Variants in CEP78 observed in about 807,000 individuals in gnomAD.
CEP78 encodes centrosomal protein 78, also known as centrosomal protein of 78 kDa.
In CEP78, 76 loss-of-function variants were observed where a neutral mutation model predicts 81.2. That is an observed-to-expected ratio of 0.94 (90% CI 0.78 to 1.13). The LOEUF is 1.13. CEP78 is among the 50% of genes most tolerant of loss of function. The probability of loss-of-function intolerance (pLI) is 0.00; values close to 1 mark genes in which losing one functional copy is unlikely to be tolerated. For synonymous variants in CEP78, 293 were observed against 301.4 expected, an observed-to-expected ratio of 0.97 and a Z score of 0.29; for missense variants, 918 against 846.8, an observed-to-expected ratio of 1.08 and a Z score of -1.04.
intron 16 of CEP78, among the ~76,000 whole-genome samples, chr9:78,269,935 AAAAG>A (rs1353891002): frequency 1.3e-5 from 2 of 152,248 alleles, no homozygotes; most frequent in African/African-American, 4.8e-5. Flanking sequence ...TCTTAAGACT[AAAAG>A]AAACAGATCT....
rs371689725 is a variant in CEP78 at position 78,270,571 on chromosome 9, C to A, written c.2108-270C>A. Among the ~76,000 whole-genome samples, 28 of 152,274 alleles carry A rather than the reference C, an allele frequency of 1.8e-4. No homozygotes were observed. The East Asian group carries it at 5.4e-3, about 29-fold the overall frequency. On this transcript the variant is annotated intron_variant, in intron 16 of 16. Transcript: ENST00000643273. ...AAAACATTCAGATGTGATACTGTAG[C>A]AAAGAGCTTGTCATCCTGTCTTAAA...
At chr9:78,257,632 A>G (rs1448772507) in intron 11 of CEP78, among the ~76,000 whole-genome samples, 1 of 152,080 alleles carries the variant, frequency 6.6e-6, no homozygotes, top group African/African-American at 2.4e-5. Flanking sequence ...AGAGGGAAGG[A>G]GGGAATCAAA....
At position 78,246,699 on chromosome 9, in the gene CEP78, A is replaced by T. The variant is rs372759241; in HGVS notation, c.809A>T (p.Asn270Ile). ...ALDLQQCGLT[N>I]EGAKALLEAL... ...GACCTGCAACAGTGCGGCCTCACCA[A>T]TGAAGGAGCAAAGGCTTTGCTAGAG... The change falls in exon 6 of 17, where the codon AAT becomes ATT. Residue 270 changes from asparagine (N) to isoleucine (I), a missense_variant. Physicochemically the swap from Asn to Ile is moderately radical, Grantham distance 149 (BLOSUM62 -3). Transcript: ENST00000643273. 5.0e-6 allele frequency: 8 copies of T among 1,610,614 alleles called. No homozygotes were observed. The highest frequency in any genetic ancestry group is 4.2e-6 in the Non-Finnish European group (5 of 1,178,552).
intron 8 of CEP78, chr9:78,250,260 A>G (rs1187273463): frequency 8.3e-5 from 33 of 398,090 alleles, no homozygotes; most frequent in Non-Finnish European, 1.4e-4. Flanking sequence ...TTGGAGACAC[A>G]GAGGTAAGCC....
chr9:78,269,258 C>T (rs1197845706), intron 16 of CEP78, among the ~76,000 whole-genome samples: 2 of 152,042 alleles, frequency 1.3e-5, no homozygotes, highest in African/African-American at 2.4e-5. Context: ...AGTGGGTGGA[C>T]TTGTGTTTCT....
Position 78,271,663 on chromosome 9 carries a change from A to G in CEP78, c.*812A>G, listed in dbSNP as rs1827690636. ...AAATCTTTCTCAGAGTAACTAAGCA[A>G]AATGAACAATGAACCCATTAACGTG... is the stretch of plus-strand genomic sequence containing the variant. On this transcript the variant is annotated 3_prime_UTR_variant, in exon 17 of 17. Transcript: ENST00000643273. 6.6e-6 allele frequency: 1 copy of G among 152,012 alleles called. No individual in the cohort carries two copies. Among genetic ancestry groups the G allele is most frequent in the Admixed American group, 6.5e-5 (1 of 15,270 alleles). 9.4% of individuals were successfully genotyped at this position (152,012 alleles called of 1,614,324 possible).
chr9:78,236,218 T>A lies in CEP78; in HGVS notation c.-133T>A. 1 of 768,628 alleles carries A rather than the reference T, an allele frequency of 1.3e-6. No homozygotes were observed. The highest frequency in any genetic ancestry group is 2.9e-5 in the East Asian group (1 of 34,242). The allele number at this position is 768,628 out of a possible 1,614,324, so 47.6% of individuals were successfully genotyped here. ...TTGCGTCTTCCGACCGAATCACCGC[T>A]CCTGAGCCCGGTGCGGGGCTGCCGC... On this transcript the variant is annotated 5_prime_UTR_variant, in exon 1 of 17. Coordinates refer to ENST00000643273, the MANE Select transcript of CEP78 (RefSeq NM_001330691.3).
chr9:78,269,691 A>G (rs549647233), intron 16 of CEP78, among the ~76,000 whole-genome samples: 1 of 152,328 alleles, frequency 6.6e-6, no homozygotes, highest in South Asian at 2.1e-4. Flanking sequence ...TGAAAATGCC[A>G]GATTGCAGTA....
rs933920757 is a variant in CEP78 at position 78,236,288 on chromosome 9, C to A, written c.-63C>A. On this transcript the variant is annotated 5_prime_UTR_variant, in exon 1 of 17. Transcript: ENST00000643273. ...CCGGAGCGGCCGGGTTGCGACTCAG[C>A]GTTCTTGGGTGGGCGCGGGCGGCGT... 2 of 1,449,372 alleles carry A rather than the reference C, an allele frequency of 1.4e-6. No homozygotes were observed. The highest frequency in any genetic ancestry group is 1.9e-6 in the Non-Finnish European group (2 of 1,076,940). The allele number at this position is 1,449,372 out of a possible 1,614,324, so 89.8% of individuals were successfully genotyped here. A position where few individuals can be genotyped will look rare whatever the true frequency, so the allele number is the denominator to read the frequency against.
chr9:78,261,484 A>G (rs1021628972), intron 11 of CEP78, among the ~76,000 whole-genome samples: 7 of 152,150 alleles, frequency 4.6e-5, no homozygotes, highest in Admixed American at 4.6e-4. Context: ...ATGTTAAGTG[A>G]TTTTACTTTC....
At chr9:78,237,877 G>C (rs1422092231) in intron 1 of CEP78, among the ~76,000 whole-genome samples, 1 of 151,558 alleles carries the variant, frequency 6.6e-6, no homozygotes, top group South Asian at 2.1e-4. Flanking sequence ...GCCAAGGCGG[G>C]GGGGTGTGGA....
intron 12 of CEP78, among the ~76,000 whole-genome samples, chr9:78,263,326 C>T (rs1348142226): frequency 1.8e-4 from 28 of 151,880 alleles, no homozygotes. Context: ...ATGAGACTAT[C>T]TACTGAAGGG....
intron 16 of CEP78, among the ~76,000 whole-genome samples, chr9:78,268,121 AAGG>A (rs1361388963): frequency 1.3e-4 from 20 of 152,110 alleles, no homozygotes; most frequent in African/African-American, 4.6e-4. Flanking sequence ...TGTGGGGAAA[AAGG>A]AGGAGAGCAG....
At chr9:78,255,362 A>T (rs1424130821) in intron 11 of CEP78, among the ~76,000 whole-genome samples, 1 of 152,196 alleles carries the variant, frequency 6.6e-6, no homozygotes, top group Admixed American at 6.5e-5. Flanking sequence ...TTAAAAATTA[A>T]TACAATTTTC....
chr9:78,256,049 T>C (rs1325842157), intron 11 of CEP78, among the ~76,000 whole-genome samples: 2 of 152,206 alleles, frequency 1.3e-5, no homozygotes, highest in Non-Finnish European at 2.9e-5. Context: ...ATTTCTAACA[T>C]ACGTAAGCCT....
chr9:78,256,811 C>T (rs887276319), intron 11 of CEP78, among the ~76,000 whole-genome samples: 7 of 152,104 alleles, frequency 4.6e-5, no homozygotes, highest in African/African-American at 1.7e-4. Flanking sequence ...AAAAACTCTA[C>T]TTAACATCCT....
intron 5 of CEP78, among the ~76,000 whole-genome samples, 185 bp downstream of exon 5, chr9:78,243,821 A>AC (rs1461230034): frequency 1.7e-5 from 2 of 116,636 alleles, no homozygotes; most frequent in African/African-American, 3.4e-5. Context: ...CCAAGTAACA[A>AC]AAAAAAAAAA....
intron 5 of CEP78, among the ~76,000 whole-genome samples, chr9:78,244,579 C>T (rs1215471680): frequency 6.6e-6 from 1 of 152,142 alleles, no homozygotes; most frequent in Admixed American, 6.5e-5. Context: ...TATTTTAAAA[C>T]CTTAAACTTT....
chr9:78,266,358 C>T (rs1827530066), intron 15 of CEP78, 84 bp from the exon 16 acceptor site: 1 of 1,012,040 alleles, frequency 9.9e-7, no homozygotes. Context: ...TCTAAGATCA[C>T]AGAATAACAT....
Sources: allele counts gnomAD v4.1 joint callset (sites outside exome capture counted in the v4.1 genomes callset), GRCh38; gene constraint gnomAD v4.1.1; transcripts MANE v1.5; gene names NCBI Gene and HGNC (gene_info 2026-07-23, HGNC 2026-07-21).